Variants in CEP78 observed in about 807,000 individuals in gnomAD.
CEP78 encodes the protein centrosomal protein 78.
A neutral mutation model predicts 81.2 loss-of-function variants in CEP78; 76 were observed. The observed-to-expected ratio is 0.94, with a 90% confidence interval of 0.78 to 1.13. The LOEUF is 1.13. Among genes scored for constraint, CEP78 ranks in the 50% most tolerant of loss-of-function variants. The pLI is 0.00. For synonymous variants in CEP78, 293 were observed against 301.4 expected (o/e 0.97, Z 0.29); for missense variants, 918 against 846.8 (o/e 1.08, Z -1.04).
intron 11 of CEP78, among the ~76,000 whole-genome samples, chr9:78,259,201 AAAG>A (rs1827168494): frequency 6.6e-6 from 1 of 152,244 alleles, no homozygotes; most frequent in South Asian, 2.1e-4. Context: ...ATGTTGAAAG[AAAG>A]AAGATGCAGA....
At position 78,274,281 on chromosome 9, in the gene CEP78, A is replaced by G. The variant is rs775827323; in HGVS notation, c.*3430A>G. Reference sequence around the variant, plus strand: ...ATGGCATTCTTGAAAAGACAAAACTATAGTGACAGAACAGATTGGAGATTG... The same window carrying G: ...ATGGCATTCTTGAAAAGACAAAACTGTAGTGACAGAACAGATTGGAGATTG... On this transcript the variant is annotated 3_prime_UTR_variant, in exon 17 of 17. Transcript: ENST00000643273. 8 of 152,154 alleles carry G rather than the reference A, an allele frequency of 5.3e-5. No homozygotes were observed. Among genetic ancestry groups the G allele is most frequent in the African/African-American group, 1.4e-4 (6 of 41,406 alleles). The allele number at this position is 152,154 out of a possible 1,614,324, so 9.4% of individuals were successfully genotyped here.
chr9:78,271,225 T>C lies in CEP78; in HGVS notation c.*374T>C, dbSNP rs977970246. On this transcript the variant is annotated 3_prime_UTR_variant, in exon 17 of 17. Coordinates refer to ENST00000643273, the MANE Select transcript of CEP78 (RefSeq NM_001330691.3). ...TGTAATCATTTGTGTTCATTAAAAG[T>C]GAACCAGAATTCCCATTTGGATGAA... 2 of 162,576 alleles carry C rather than the reference T, an allele frequency of 1.2e-5. No homozygotes were observed. Among genetic ancestry groups the C allele is most frequent in the African/African-American group, 4.8e-5 (2 of 41,986 alleles). 10.1% of individuals were successfully genotyped at this position (162,576 alleles called of 1,614,324 possible). A position where few individuals can be genotyped will look rare whatever the true frequency, so the allele number is the denominator to read the frequency against.
chr9:78,256,933 A>G lies in CEP78; in HGVS notation c.1380+1969A>G, dbSNP rs74838092. On this transcript the variant is annotated intron_variant, in intron 11 of 16. Transcript: ENST00000643273. ...CAAGGGTGGTCTCTTGGAAATTATA[A>G]TGGTTGAAATAAATTCAGTAGGAAT... Among the ~76,000 whole-genome samples, 937 of 152,288 alleles carry G rather than the reference A, an allele frequency of 6.2e-3. 9 individuals are homozygous for G. The highest frequency in any genetic ancestry group is 0.021 in the African/African-American group (874 of 41,564).
chr9:78,261,076 G>A (rs1277518298), intron 11 of CEP78, among the ~76,000 whole-genome samples: 2 of 151,870 alleles, frequency 1.3e-5, no homozygotes, highest in Admixed American at 6.6e-5. Flanking sequence ...TCCGCCTCCC[G>A]AGTAGCTGGG....
rs751135300 is a variant in CEP78, at chr9:78,248,842, T to C, written c.1038T>C (p.Ser346=). 12 of 1,593,312 alleles carry C rather than the reference T, an allele frequency of 7.5e-6. No homozygotes were observed. Among genetic ancestry groups the C allele is most frequent in the South Asian group, 4.6e-5 (4 of 87,502 alleles). Reference sequence around the variant, plus strand: ...AAAGGAGAACTATAATTCTAGGAAGTGGTCACAAAGGAAAAGCTACTATTA... The same window carrying C: ...AAAGGAGAACTATAATTCTAGGAAGCGGTCACAAAGGAAAAGCTACTATTA... The part of the protein sequence containing the change: ...KQKRRTIILG[S]GHKGKATIRI... Residue 346 remains serine, a synonymous_variant, in exon 8 of 17, where the codon AGT becomes AGC. Coordinates refer to ENST00000643273, the MANE Select transcript of CEP78 (RefSeq NM_001330691.3).
rs1825919177 is a variant in CEP78, at chr9:78,236,214, C to T, written c.-137C>T. On this transcript the variant is annotated 5_prime_UTR_variant, in exon 1 of 17. Transcript: ENST00000643273. Reference sequence around the variant, plus strand: ...GGCCTTGCGTCTTCCGACCGAATCACCGCTCCTGAGCCCGGTGCGGGGCTG... The same window carrying T: ...GGCCTTGCGTCTTCCGACCGAATCATCGCTCCTGAGCCCGGTGCGGGGCTG... The T allele has an allele frequency of 4.0e-6, 3 of 744,822 alleles. No individual in the cohort carries two copies. The highest frequency in any genetic ancestry group is 3.9e-4 in the Middle Eastern group (1 of 2,538). 46.1% of individuals were successfully genotyped at this position (744,822 alleles called of 1,614,324 possible).
chr9:78,262,639 A>G (rs953420315), intron 11 of CEP78, among the ~76,000 whole-genome samples: 7 of 152,178 alleles, frequency 4.6e-5, no homozygotes, highest in South Asian at 2.1e-4. Context: ...ATTTGACTCA[A>G]TAAATATATG....
At chr9:78,249,074 G>A in intron 8 of CEP78, 1 of 255,010 alleles carries the variant, frequency 3.9e-6, no homozygotes, top group African/African-American at 2.2e-5. Context: ...AGGGATGCTA[G>A]TGCTTCCATT....
At position 78,252,004 on chromosome 9, in the gene CEP78, T is replaced by G. The variant is rs754241822; in HGVS notation, c.1166T>G (p.Phe389Cys). Residue 389 changes from phenylalanine to cysteine, a missense_variant, in exon 9 of 17, where the codon TTC becomes TGC. By Grantham distance (205) the Phe-to-Cys change is radical. Transcript: ENST00000643273. ...PAPLPPGVSG[F>C]LPWRTAERAK... ...CCTCTTCCACCTGGTGTGTCTGGTT[T>G]CTTGCCGTGGCGTACTGCAGAACGT... 2 of 1,604,366 alleles carry G rather than the reference T, an allele frequency of 1.2e-6. No homozygotes were observed. Among genetic ancestry groups the G allele is most frequent in the South Asian group, 2.2e-5 (2 of 89,934 alleles).
intron 1 of CEP78, among the ~76,000 whole-genome samples, chr9:78,238,498 A>G (rs1022348460): frequency 2.6e-5 from 4 of 152,140 alleles, no homozygotes; most frequent in Non-Finnish European, 4.4e-5. Flanking sequence ...TTAAGTGGAT[A>G]TGGACGTGAA....
chr9:78,241,814 C>T lies in CEP78; in HGVS notation c.603+15C>T, dbSNP rs1327453245. ...AGATCTTAAAGGTAACTTTATGTTC[C>T]AACTTTCATGAAAATGTGTTATATG... On this transcript the variant is annotated intron_variant, in intron 4 of 16. Transcript: ENST00000643273. The T allele has an allele frequency of 2.2e-6, 3 of 1,355,382 alleles. No individual in the cohort carries two copies. The highest frequency in any genetic ancestry group is 3.1e-6 in the Non-Finnish European group (3 of 952,538). 84.0% of individuals were successfully genotyped at this position (1,355,382 alleles called of 1,614,324 possible). A position where few individuals can be genotyped will look rare whatever the true frequency, so the allele number is the denominator to read the frequency against.
intron 9 of CEP78, among the ~76,000 whole-genome samples, chr9:78,252,970 G>C (rs999843476): frequency 6.6e-6 from 1 of 152,170 alleles, no homozygotes; most frequent in Admixed American, 6.5e-5. Flanking sequence ...AATATCACCA[G>C]TTAAAGAAGT....
chr9:78,260,329 T>G (rs1827216614), intron 11 of CEP78, among the ~76,000 whole-genome samples: 1 of 152,250 alleles, frequency 6.6e-6, no homozygotes, highest in South Asian at 2.1e-4. Flanking sequence ...ATGTTGAAAG[T>G]TGGAAACAGT....
chr9:78,248,456 A>G (rs1826601587), intron 7 of CEP78, 101 bp downstream of exon 7: 6 of 762,628 alleles, frequency 7.9e-6, no homozygotes, highest in Admixed American at 2.3e-5. Context: ...TCTGAGCTCC[A>G]GTGATCTTCC....
At position 78,265,913 on chromosome 9, in the gene CEP78, G is replaced by A. The variant is rs1041577210; in HGVS notation, c.1845+7G>A. The A allele has an allele frequency of 8.4e-6, 11 of 1,301,794 alleles. No individual in the cohort carries two copies. The African/African-American group carries it at 1.3e-4, about 16-fold the overall frequency. 80.6% of individuals were successfully genotyped at this position (1,301,794 alleles called of 1,614,324 possible). On this transcript the variant is annotated splice_region_variant and intron_variant, in intron 15 of 16. Coordinates refer to ENST00000643273, the MANE Select transcript of CEP78 (RefSeq NM_001330691.3). ...TGAAGGAACACTAATGAAGGTACAA[G>A]TACTGATATAGATAATTTTTCAGAA...
intron 9 of CEP78, among the ~76,000 whole-genome samples, chr9:78,252,574 G>A (rs1176774162): frequency 1.3e-5 from 2 of 152,026 alleles, no homozygotes; most frequent in African/African-American, 4.8e-5. Context: ...TAAAAATGTT[G>A]TACTATAATT....
chr9:78,241,867 A>C, intron 4 of CEP78, 68 bp downstream of exon 4: 1 of 879,364 alleles, frequency 1.1e-6, no homozygotes, highest in Non-Finnish European at 1.8e-6. Flanking sequence ...TTTTGATACA[A>C]GACAGCAGTT....
chr9:78,254,945 T>A lies in CEP78; in HGVS notation c.1361T>A (p.Ile454Lys). The A allele has an allele frequency of 1.2e-6, 2 of 1,610,900 alleles. No homozygotes were observed. Among genetic ancestry groups the A allele is most frequent in the African/African-American group, 2.7e-5 (2 of 74,958 alleles). ...CATGAAGTGCCTGAGAAAACTAGTA[T>A]AGAACAAGAAGCATTACAGGTACAA... is the stretch of plus-strand genomic sequence containing the variant. ...SVHEVPEKTS[I>K]EQEALQEKLE... Residue 454 changes from isoleucine (I) to lysine (K), a missense_variant, in exon 11 of 17, where the codon ATA becomes AAA. Coordinates refer to ENST00000643273, the MANE Select transcript of CEP78 (RefSeq NM_001330691.3).
Position 78,248,363 on chromosome 9 carries a change from A to T in CEP78, c.957+8A>T, listed in dbSNP as rs763178181. 3 of 1,530,850 alleles carry T rather than the reference A, an allele frequency of 2.0e-6. No homozygotes were observed. The African/African-American group carries it at 4.1e-5, about 21-fold the overall frequency. 94.8% of individuals were successfully genotyped at this position (1,530,850 alleles called of 1,614,324 possible). Reference sequence around the variant, plus strand: ...AGGAGTGCCAAATCAGAGGTATATCATGTTTTATTTCTCCAGAAAGAATTC... The same window carrying T: ...AGGAGTGCCAAATCAGAGGTATATCTTGTTTTATTTCTCCAGAAAGAATTC... On this transcript the variant is annotated splice_region_variant and intron_variant, in intron 7 of 16. Coordinates refer to ENST00000643273, the MANE Select transcript of CEP78 (RefSeq NM_001330691.3).
Sources: allele counts gnomAD v4.1 joint callset (sites outside exome capture counted in the v4.1 genomes callset), GRCh38; gene constraint gnomAD v4.1.1; transcripts MANE v1.5; gene names NCBI Gene and HGNC (gene_info 2026-07-23, HGNC 2026-07-21).